The following GABRG3 variants were observed in gnomAD, a reference collection of about 807,000 sequenced individuals.
GABRG3 encodes gamma-aminobutyric acid receptor subunit gamma-3.
In GABRG3, 25 loss-of-function variants were observed where a neutral mutation model predicts 48.8. That is an observed-to-expected ratio of 0.51 (90% CI 0.37 to 0.72). The LOEUF (loss-of-function observed/expected upper bound fraction) is 0.72. Ranked by LOEUF, GABRG3 falls within the 30% of genes least tolerant of loss-of-function variation. The pLI is 0.00. For missense variants in GABRG3, 394 were observed against 577.9 expected (o/e 0.68, Z 3.26); for synonymous variants, 227 against 217.6 (o/e 1.04, Z -0.38).
intron 3 of GABRG3, among the ~76,000 whole-genome samples, chr15:27,324,191 G>C (rs1893527299): frequency 2.6e-5 from 4 of 152,220 alleles, no homozygotes; most frequent in Non-Finnish European, 1.5e-5. Flanking sequence ...GGTCAACCTT[G>C]TTCCGGCCCA....
Position 27,054,996 on chromosome 15 carries a change from G to A in GABRG3, c.270+28175G>A, listed in dbSNP as rs572061035. On this transcript the variant is annotated intron_variant, in intron 3 of 9. Coordinates refer to ENST00000615808, the MANE Select transcript of GABRG3 (RefSeq NM_033223.5). ...AAAGTTTGTAAGTTACAGCCCAAGG[G>A]CCAAGACCTGTTTTTTTTTTTTTTT... 2.8e-3 allele frequency among the ~76,000 whole-genome samples: 386 copies of A among 135,844 alleles called. 1 individual carries two copies. Among genetic ancestry groups the A allele is most frequent in the African/African-American group, 9.9e-3 (363 of 36,724 alleles). 89.1% of individuals were successfully genotyped at this position (135,844 alleles called of 152,430 possible).
At chr15:27,128,098 A>AAATG (rs1897852836) in intron 3 of GABRG3, among the ~76,000 whole-genome samples, 1 of 149,056 alleles carries the variant, frequency 6.7e-6, no homozygotes, top group Non-Finnish European at 1.5e-5. Flanking sequence ...ATGGTGGCTC[A>AAATG]CGCCTGTAAT....
At chr15:27,476,043 A>G (rs78072194) in intron 5 of GABRG3, among the ~76,000 whole-genome samples, 1 of 152,196 alleles carries the variant, frequency 6.6e-6, no homozygotes, top group African/African-American at 2.4e-5. Context: ...CCGGCTCAAA[A>G]GAACATAAAA....
At chr15:27,351,366 TTG>T (rs1333425136) in intron 5 of GABRG3, among the ~76,000 whole-genome samples, 1 of 143,410 alleles carries the variant, frequency 7.0e-6, no homozygotes, top group Non-Finnish European at 1.5e-5. Flanking sequence ...GTGAGTGCCT[TTG>T]TGTGTGTATG....
intron 3 of GABRG3, among the ~76,000 whole-genome samples, chr15:27,031,834 T>C (rs1896092182): frequency 6.6e-6 from 1 of 152,212 alleles, no homozygotes; most frequent in African/African-American, 2.4e-5. Flanking sequence ...TTTGGAGTCA[T>C]CTAAGCTCAG....
chr15:27,369,608 G>A (rs1363963088), intron 5 of GABRG3, among the ~76,000 whole-genome samples: 1 of 151,978 alleles, frequency 6.6e-6, no homozygotes, highest in Non-Finnish European at 1.5e-5. Flanking sequence ...ATGAGGTCAG[G>A]AGATCGAGAC....
chr15:27,185,010 T>C (rs1257163008), intron 3 of GABRG3, among the ~76,000 whole-genome samples: 3 of 152,188 alleles, frequency 2.0e-5, no homozygotes, highest in Non-Finnish European at 4.4e-5. Context: ...TTTTCCTCTA[T>C]TGTTTTCTAT....
intron 3 of GABRG3, among the ~76,000 whole-genome samples, chr15:27,275,337 A>G (rs1891218338): frequency 6.6e-6 from 1 of 150,672 alleles, no homozygotes; most frequent in African/African-American, 2.4e-5. Flanking sequence ...TGAATTATAT[A>G]TGTAGTTTTA....
At chr15:27,290,297 A>G (rs1891753969) in intron 3 of GABRG3, among the ~76,000 whole-genome samples, 1 of 152,116 alleles carries the variant, frequency 6.6e-6, no homozygotes, top group Admixed American at 6.6e-5. Flanking sequence ...AAAATTTCAA[A>G]TGATTTATGT....
intron 3 of GABRG3, among the ~76,000 whole-genome samples, chr15:27,235,735 G>A (rs944116033): frequency 1.3e-5 from 2 of 152,148 alleles, no homozygotes; most frequent in African/African-American, 4.8e-5. Flanking sequence ...CAAGGGTAGA[G>A]TTCAAAGAAA....
chr15:27,188,994 C>T (rs1400196337), intron 3 of GABRG3, among the ~76,000 whole-genome samples: 1 of 152,034 alleles, frequency 6.6e-6, no homozygotes, highest in Non-Finnish European at 1.5e-5. Flanking sequence ...AATCCTTTCC[C>T]CATTGCTTGT....
In GABRG3 at chr15:27,179,594, G is replaced by A. The variant is rs1467703569; in HGVS notation, c.271-147215G>A. Among the ~76,000 whole-genome samples the A allele has an allele frequency of 6.6e-6, 1 of 152,148 alleles. No homozygotes were observed. Among genetic ancestry groups the A allele is most frequent in the Admixed American group, 6.5e-5 (1 of 15,288 alleles). ...AGTGAGCAGTTTCCAGTTTCAAATT[G>A]TTCAGAATTCACTCATTTCCAGACT... On this transcript the variant is annotated intron_variant, in intron 3 of 9. Transcript: ENST00000615808. The surrounding 1 kb of genome is among the most constrained non-coding windows in gnomAD (Gnocchi z 4.0).
In GABRG3 at chr15:27,218,975, C is replaced by G. The variant is rs552952299; in HGVS notation, c.271-107834C>G. Among the ~76,000 whole-genome samples, 5 of 152,284 alleles carry G rather than the reference C, an allele frequency of 3.3e-5. No individual in the cohort carries two copies. In the South Asian group the frequency reaches 1.0e-3, roughly 32 times the overall value. ...TGCAAATCCCCCTGGTCTCCTCTCT[C>G]CCTGATGACCCTGGCCATACCGGGG... On this transcript the variant is annotated intron_variant, in intron 3 of 9. Coordinates refer to ENST00000615808, the MANE Select transcript of GABRG3 (RefSeq NM_033223.5).
At chr15:27,407,810 G>A (rs1887682291) in intron 5 of GABRG3, among the ~76,000 whole-genome samples, 1 of 152,194 alleles carries the variant, frequency 6.6e-6, no homozygotes, top group Non-Finnish European at 1.5e-5. Flanking sequence ...TGGGAGCAAG[G>A]TAGGAGGAAA....
intron 4 of GABRG3, 73 bp from the exon 5 acceptor site, chr15:27,328,733 G>A: frequency 7.9e-7 from 1 of 1,260,444 alleles, no homozygotes; most frequent in Non-Finnish European, 1.2e-6. Flanking sequence ...ATCCCCACAT[G>A]GGGTGCCGTA....
chr15:27,216,165 G>A (rs1053206046), intron 3 of GABRG3, among the ~76,000 whole-genome samples: 7 of 152,230 alleles, frequency 4.6e-5, no homozygotes, highest in African/African-American at 1.4e-4. Flanking sequence ...CTAAGGAGGT[G>A]GATCCCAGGC....
intron 5 of GABRG3, among the ~76,000 whole-genome samples, chr15:27,399,154 A>G (rs1279311677): frequency 6.6e-6 from 1 of 152,186 alleles, no homozygotes; most frequent in African/African-American, 2.4e-5. Flanking sequence ...AAAATATGTT[A>G]TTTATTACCT....
At chr15:27,116,751 A>G (rs1897647911) in intron 3 of GABRG3, among the ~76,000 whole-genome samples, 1 of 152,212 alleles carries the variant, frequency 6.6e-6, no homozygotes, top group Non-Finnish European at 1.5e-5. Context: ...AGGTTTTCAT[A>G]AAAGAGGTTT....
intron 3 of GABRG3, among the ~76,000 whole-genome samples, chr15:27,213,822 A>G (rs1346072681): frequency 1.3e-5 from 2 of 152,202 alleles, no homozygotes; most frequent in African/African-American, 4.8e-5. Flanking sequence ...ACTGCTCCAC[A>G]TATTCAGCTC....
Sources: allele counts gnomAD v4.1 joint callset (sites outside exome capture counted in the v4.1 genomes callset), GRCh38; gene constraint gnomAD v4.1.1; non-coding constraint Gnocchi (gnomAD v3.1); transcripts MANE v1.5; gene names NCBI Gene and HGNC (gene_info 2026-07-23, HGNC 2026-07-21).